The following PREX1 variants were observed in gnomAD, a reference collection of about 807,000 sequenced individuals.
The protein encoded by PREX1 is phosphatidylinositol 3,4,5-trisphosphate-dependent Rac exchanger 1 protein.
A neutral mutation model predicts 198.3 loss-of-function variants in PREX1; 41 were observed. That is an observed-to-expected ratio of 0.21 (90% CI 0.16 to 0.27). The LOEUF (loss-of-function observed/expected upper bound fraction) is 0.27, where lower values mean the gene tolerates loss of function less well. PREX1 is among the 10% of genes least tolerant of loss of function. The pLI is 1.00. For synonymous variants in PREX1, 843 were observed against 887.2 expected, an observed-to-expected ratio of 0.95 and a Z score of 0.89; for missense variants, 1,620 against 2,200.7, an observed-to-expected ratio of 0.74 and a Z score of 5.28.
At chr20:48,830,822 G>A (rs373970492), upstream of PREX1, among the ~76,000 whole-genome samples, 1 of 152,202 alleles carries the variant, frequency 6.6e-6, no homozygotes, top group African/African-American at 2.4e-5. Flanking sequence ...TCGTTGCAAG[G>A]TTCCTGAGTG....
intron 3 of PREX1, among the ~76,000 whole-genome samples, chr20:48,740,165 A>G (rs1477067355): frequency 6.6e-6 from 1 of 152,024 alleles, no homozygotes; most frequent in Non-Finnish European, 1.5e-5. Flanking sequence ...AGATGCTGCC[A>G]TGGCCATGGG....
At position 48,632,329 on chromosome 20, in the gene PREX1, C is replaced by T. The variant is rs2089321161; in HGVS notation, c.4474G>A (p.Asp1492Asn). Residue 1492 changes from aspartate to asparagine, a missense_variant, in exon 35 of 40, where the codon GAC (aspartate) becomes AAC (asparagine). By Grantham distance (23) the Asp-to-Asn change is conservative. Around this residue, in one of 7 missense-constraint regions of PREX1, gnomAD observed 476 missense variants for 603.4 expected, o/e 0.79. Transcript: ENST00000371941. ...GSQAAEDLQQDINAQSLEKVQ... is the reference protein window; with the variant it reads ...GSQAAEDLQQNINAQSLEKVQ... ...TTCTCCAGGGACTGCGCGTTGATGTCCTGCTGCAAATCCTCCGCGGCCTGG... is the reference window on the plus strand; with the variant it reads ...TTCTCCAGGGACTGCGCGTTGATGTTCTGCTGCAAATCCTCCGCGGCCTGG... 1 of 1,614,118 alleles carries T rather than the reference C, an allele frequency of 6.2e-7. No individual in the cohort carries two copies. The highest frequency in any genetic ancestry group is 8.5e-7 in the Non-Finnish European group (1 of 1,180,030).
intron 1 of PREX1, among the ~76,000 whole-genome samples, chr20:48,815,609 G>A (rs145796787): frequency 6.6e-5 from 10 of 152,310 alleles, no homozygotes; most frequent in South Asian, 2.1e-4. Flanking sequence ...CATCTGTCCC[G>A]TGGCCAGGTC....
chr20:48,776,838 A>G (rs950350780), intron 1 of PREX1, among the ~76,000 whole-genome samples: 1 of 152,152 alleles, frequency 6.6e-6, no homozygotes, highest in Middle Eastern at 3.2e-3. Context: ...TATTTCTCCT[A>G]AGAGTCAGTG....
At chr20:48,815,162 A>G (rs886601185) in intron 1 of PREX1, among the ~76,000 whole-genome samples, 1 of 152,218 alleles carries the variant, frequency 6.6e-6, no homozygotes, top group African/African-American at 2.4e-5. Context: ...CTCAAAGGAG[A>G]AAAACATAAA....
intron 5 of PREX1, among the ~76,000 whole-genome samples, chr20:48,717,191 G>A (rs1356979043): frequency 1.3e-5 from 2 of 152,154 alleles, no homozygotes; most frequent in Non-Finnish European, 2.9e-5. Flanking sequence ...TGGGGTTGGT[G>A]GGGGTTGGAA....
chr20:48,788,114 T>C (rs1286541044), intron 1 of PREX1, among the ~76,000 whole-genome samples: 1 of 152,132 alleles, frequency 6.6e-6, no homozygotes, highest in Non-Finnish European at 1.5e-5. Context: ...GTAATTCACT[T>C]GATGGATTTA....
the PREX1 span, among the ~76,000 whole-genome samples, chr20:48,852,198 A>C: frequency 6.6e-6 from 1 of 152,066 alleles, no homozygotes; most frequent in South Asian, 2.1e-4. Flanking sequence ...AGGACCCCAA[A>C]AATGGTTCTA....
intron 1 of PREX1, among the ~76,000 whole-genome samples, chr20:48,788,200 G>A (rs570987896): frequency 2.0e-5 from 3 of 152,290 alleles, no homozygotes; most frequent in Admixed American, 6.5e-5. Flanking sequence ...GGGAACAGGC[G>A]GGCAGTGTCC....
Position 48,627,450 on chromosome 20 carries a change from C to T in PREX1, c.4937+98G>A, listed in dbSNP as rs920350867. On this transcript the variant is annotated intron_variant, in intron 39 of 39. Coordinates refer to ENST00000371941, the MANE Select transcript of PREX1 (RefSeq NM_020820.4). ...CCATAAATGAGAGGGGAAGCCCCAT[C>T]TGAGCATTAGGGGTTAGGCCAGGAG... 7 of 1,336,662 alleles carry T rather than the reference C, an allele frequency of 5.2e-6. No individual in the cohort carries two copies. In the African/African-American group the frequency reaches 7.2e-5, roughly 14 times the overall value. The allele number at this position is 1,336,662 out of a possible 1,614,324, so 82.8% of individuals were successfully genotyped here.
intron 1 of PREX1, among the ~76,000 whole-genome samples, chr20:48,753,253 G>T (rs918761178): frequency 6.6e-6 from 1 of 152,158 alleles, no homozygotes; most frequent in Non-Finnish European, 1.5e-5. Flanking sequence ...ACTTAATGGA[G>T]ATACCAAGAG....
intron 1 of PREX1, among the ~76,000 whole-genome samples, chr20:48,748,742 G>A (rs1428483191): frequency 3.9e-5 from 6 of 152,232 alleles, no homozygotes; most frequent in Admixed American, 3.9e-4. Context: ...GACAGGGGCT[G>A]CGGGAGCCGA....
upstream of PREX1, among the ~76,000 whole-genome samples, chr20:48,832,470 A>G (rs148386489): frequency 6.8e-4 from 103 of 152,302 alleles, no homozygotes; most frequent in African/African-American, 2.4e-3. Flanking sequence ...GAAGTGAGTT[A>G]CTGCACTGCC....
At chr20:48,882,330 G>A in the PREX1 span, among the ~76,000 whole-genome samples, 1 of 151,484 alleles carries the variant, frequency 6.6e-6, no homozygotes, top group African/African-American at 2.4e-5. Flanking sequence ...GTGAAACCCC[G>A]TCTCTACTAA....
rs148243102 is a variant in PREX1, at chr20:48,748,696, C to T, written c.220-816G>A. Among the ~76,000 whole-genome samples the T allele has an allele frequency of 6.6e-5, 10 of 152,262 alleles. No homozygotes were observed. The East Asian group carries it at 1.4e-3, about 21-fold the overall frequency. On this transcript the variant is annotated intron_variant, in intron 1 of 39. Coordinates refer to ENST00000371941, the MANE Select transcript of PREX1 (RefSeq NM_020820.4). ...CAAATCACGTCTCTCCTCTGTGAGA[C>T]GCAGTAGATGAGTGTGACGACACCA...
At chr20:48,680,607 T>TA (rs1019364314) in intron 11 of PREX1, among the ~76,000 whole-genome samples, 70 of 152,150 alleles carry the variant, frequency 4.6e-4, no homozygotes, top group African/African-American at 1.6e-3. Context: ...ACAACCCACT[T>TA]AGACTCTGCC....
chr20:48,661,590 A>C (rs2089597203), intron 15 of PREX1, among the ~76,000 whole-genome samples: 1 of 145,494 alleles, frequency 6.9e-6, no homozygotes. Context: ...CCTTTCTAGG[A>C]CAAGCCAGGA....
chr20:48,644,731 C>A (rs1037199978), intron 26 of PREX1, among the ~76,000 whole-genome samples: 1 of 152,178 alleles, frequency 6.6e-6, no homozygotes, highest in Non-Finnish European at 1.5e-5. Context: ...CACAGAAACA[C>A]AGAAATAGGA....
chr20:48,767,490 C>G (rs997510117), intron 1 of PREX1, among the ~76,000 whole-genome samples: 2 of 151,926 alleles, frequency 1.3e-5, no homozygotes, highest in Non-Finnish European at 2.9e-5. Context: ...GGGGAGGGTA[C>G]GTGGGCCTCT....
Sources: allele counts gnomAD v4.1 joint callset (sites outside exome capture counted in the v4.1 genomes callset), GRCh38; gene constraint gnomAD v4.1.1; regional missense constraint gnomAD v4.1.1; transcripts MANE v1.5; gene names NCBI Gene and HGNC (gene_info 2026-07-23, HGNC 2026-07-21).